Variants in TRPC3 observed in about 807,000 individuals in gnomAD.
The protein encoded by TRPC3 is short transient receptor potential channel 3.
A neutral mutation model predicts 90.9 loss-of-function variants in TRPC3; 54 were observed. The observed-to-expected ratio is 0.59, with a 90% CI of 0.48 to 0.75. The LOEUF is 0.75. Ranked by LOEUF, TRPC3 falls within the 30% of genes least tolerant of loss-of-function variation. The pLI is 0.00. For missense variants in TRPC3, 918 were observed against 1,194.5 expected (o/e 0.77, Z 3.41); for synonymous variants, 424 against 450.9 (o/e 0.94, Z 0.75).
chr4:121,881,104 CT>C (rs1191317906), intron 11 of TRPC3, among the ~76,000 whole-genome samples: 1 of 152,128 alleles, frequency 6.6e-6, no homozygotes, highest in African/African-American at 2.4e-5. Context: ...CCTACTTCAC[CT>C]TCTACTATCC....
At chr4:121,950,527 A>C (rs1383825441) in intron 1 of TRPC3, 1 of 152,340 alleles carries the variant, frequency 6.6e-6, no homozygotes, top group Non-Finnish European at 1.5e-5. Flanking sequence ...GAAAAAATAC[A>C]GAGCATCTCA....
At chr4:121,885,070 TA>T (rs1383797789) in intron 10 of TRPC3, among the ~76,000 whole-genome samples, 2 of 152,136 alleles carry the variant, frequency 1.3e-5, no homozygotes, top group African/African-American at 4.8e-5. Context: ...AATGACTATT[TA>T]AAAAGTAGTG....
chr4:121,875,495 T>C lies in TRPC3; in HGVS notation c.*4241A>G, dbSNP rs1366367932. ...TATTCACAATAAAGAAAATGTCAAG[T>C]TAAATTACCACTGTGTGTCCTCTTT... On this transcript the variant is annotated 3_prime_UTR_variant, in exon 12 of 12. Coordinates refer to ENST00000379645, the MANE Select transcript of TRPC3 (RefSeq NM_001130698.2). 6.6e-6 allele frequency among the ~76,000 whole-genome samples: 1 copy of C among 152,190 alleles called. No homozygotes were observed. The highest frequency in any genetic ancestry group is 6.5e-5 in the Admixed American group (1 of 15,286).
rs1189074814 is a variant in TRPC3 at position 121,951,750 on chromosome 4, T to TTCCCGCGGCGCCCCTTCACCACC, written c.-93_-71dup. 3 of 1,215,902 alleles carry TTCCCGCGGCGCCCCTTCACCACC rather than the reference T, an allele frequency of 2.5e-6. No individual in the cohort carries two copies. The African/African-American group carries it at 4.8e-5, about 19-fold the overall frequency. 75.3% of individuals were successfully genotyped at this position (1,215,902 alleles called of 1,614,324 possible). A position where few individuals can be genotyped will look rare whatever the true frequency, so the allele number is the denominator to read the frequency against. On this transcript the variant is annotated 5_prime_UTR_variant, in exon 1 of 12. It introduces an in-frame stop codon into an upstream open reading frame of the 5' UTR. Transcript: ENST00000379645. The surrounding 1 kb of genome is among the most constrained non-coding windows in gnomAD (Gnocchi z 4.4). Reference sequence around the variant, plus strand: ...CCTCCGCCTTCGCGGCAGTGCAGTCTTCCCGCGGCGCCCCTTCACCACCTC... The same window carrying TTCCCGCGGCGCCCCTTCACCACC: ...CCTCCGCCTTCGCGGCAGTGCAGTCTTCCCGCGGCGCCCCTTCACCACCTCCCGCGGCGCCCCTTCACCACCTC...
chr4:121,951,949 G>GC lies in TRPC3; in HGVS notation c.-270dup, dbSNP rs1730789831. On this transcript the variant is annotated 5_prime_UTR_variant, in exon 1 of 12. An upstream open reading frame in the 5' UTR gains an earlier in-frame stop. Transcript: ENST00000379645. This position sits in a 1 kb window ranked among gnomAD's most constrained non-coding sequence, Gnocchi z 4.4. ...CTGCGACGAGGAAGCCCGGGGCCGA[G>GC]CGGGGCTCTGGTGCTGGGAGAGGCT... Among the ~76,000 whole-genome samples, 1 of 152,122 alleles carries GC rather than the reference G, an allele frequency of 6.6e-6. No homozygotes were observed. The highest frequency in any genetic ancestry group is 2.4e-5 in the African/African-American group (1 of 41,440).
chr4:121,895,915 G>C (rs1210415649), intron 10 of TRPC3, among the ~76,000 whole-genome samples: 3 of 151,926 alleles, frequency 2.0e-5, no homozygotes, highest in Non-Finnish European at 4.4e-5. Flanking sequence ...GATGAACATA[G>C]ATGTAAAAAT....
At chr4:121,933,222 C>A in intron 1 of TRPC3, 180 bp from the exon 2 acceptor site, 1 of 1,274,358 alleles carries the variant, frequency 7.8e-7, no homozygotes, top group Non-Finnish European at 1.0e-6. Flanking sequence ...TGTGATCTAA[C>A]CCTGGCTGCT....
chr4:121,939,633 A>G (rs1342469875), intron 1 of TRPC3, among the ~76,000 whole-genome samples: 1 of 152,250 alleles, frequency 6.6e-6, no homozygotes, highest in Admixed American at 6.5e-5. Context: ...TGTGGTGTGG[A>G]CACTGCTATG....
rs1433803589 is a variant in TRPC3, at chr4:121,951,358, G to A, written c.215+108C>T. On this transcript the variant is annotated intron_variant, in intron 1 of 11. Coordinates refer to ENST00000379645, the MANE Select transcript of TRPC3 (RefSeq NM_001130698.2). The surrounding 1 kb of genome is among the most constrained non-coding windows in gnomAD (Gnocchi z 4.4). The stretch of plus-strand genomic sequence containing the variant: ...TCGAACTGCCTGGCCGTACCATGTG[G>A]GTCTCGGAGGTCCCGGGCTCGACGT... The A allele has an allele frequency of 1.5e-6, 1 of 663,554 alleles. No homozygotes were observed. Among genetic ancestry groups the A allele is most frequent in the Non-Finnish European group, 2.0e-6 (1 of 505,742 alleles). 41.1% of individuals were successfully genotyped at this position (663,554 alleles called of 1,614,324 possible).
chr4:121,878,480 T>A lies in TRPC3; in HGVS notation c.*1256A>T, dbSNP rs1223182148. On this transcript the variant is annotated 3_prime_UTR_variant, in exon 12 of 12. Transcript: ENST00000379645. Reference sequence around the variant, plus strand: ...ACTCAGGATGTTAAACATAACTCTATGAGAGATTTAAACCTAGCTGGTTAA... The same window carrying A: ...ACTCAGGATGTTAAACATAACTCTAAGAGAGATTTAAACCTAGCTGGTTAA... Among the ~76,000 whole-genome samples, 1 of 152,204 alleles carries A rather than the reference T, an allele frequency of 6.6e-6. No individual in the cohort carries two copies. Among genetic ancestry groups the A allele is most frequent in the African/African-American group, 2.4e-5 (1 of 41,448 alleles).
intron 1 of TRPC3, among the ~76,000 whole-genome samples, chr4:121,941,348 A>T (rs940247932): frequency 6.6e-6 from 1 of 152,218 alleles, no homozygotes; most frequent in African/African-American, 2.4e-5. Context: ...AATGAGAATG[A>T]CATCCAAAAT....
chr4:121,878,373 G>A lies in TRPC3; in HGVS notation c.*1363C>T, dbSNP rs377459974. 1.3e-5 allele frequency among the ~76,000 whole-genome samples: 2 copies of A among 152,248 alleles called. No homozygotes were observed. The highest frequency in any genetic ancestry group is 1.9e-4 in the East Asian group (1 of 5,186). ...ATGATTTTAAAGTAGCATGTATTTA[G>A]TTGGTTTTAAGGACCTCTGAAAATC... On this transcript the variant is annotated 3_prime_UTR_variant, in exon 12 of 12. Transcript: ENST00000379645.
rs192999229 is a variant in TRPC3, at chr4:121,950,627, C to T, written c.215+839G>A. On this transcript the variant is annotated intron_variant, in intron 1 of 11. Transcript: ENST00000379645. ...CAAGATTGGAAATTAAGAAAAGTTG[C>T]TCTTTCTCATGCATTAGCGCGCCGA... is the stretch of plus-strand genomic sequence containing the variant. The T allele has an allele frequency of 7.5e-4, 114 of 152,372 alleles. 1 individual carries two copies. The highest frequency in any genetic ancestry group is 2.6e-3 in the African/African-American group (109 of 41,584). The allele number at this position is 152,372 out of a possible 1,614,324, so 9.4% of individuals were successfully genotyped here.
intron 3 of TRPC3, among the ~76,000 whole-genome samples, chr4:121,919,521 G>A (rs1391565241): frequency 6.6e-6 from 1 of 152,106 alleles, no homozygotes; most frequent in African/African-American, 2.4e-5. Flanking sequence ...ATCTCTTGGT[G>A]CCTGGGGAAG....
At chr4:121,900,181 T>C (rs1199372588) in intron 9 of TRPC3, among the ~76,000 whole-genome samples, 1 of 152,254 alleles carries the variant, frequency 6.6e-6, no homozygotes, top group Non-Finnish European at 1.5e-5. Context: ...CTTGGCCTTA[T>C]GCTAAGCCAG....
Position 121,932,170 on chromosome 4 carries a change from G to C in TRPC3, c.987+101C>G. The C allele has an allele frequency of 6.6e-7, 1 of 1,523,260 alleles. No individual in the cohort carries two copies. The highest frequency in any genetic ancestry group is 2.0e-5 in the Admixed American group (1 of 50,172). 94.4% of individuals were successfully genotyped at this position (1,523,260 alleles called of 1,614,324 possible). The stretch of plus-strand genomic sequence containing the variant: ...GTCCCTCGTGATTTCACATTCACTG[G>C]GCAAAACCGAATGTGGAGCGAACGG... On this transcript the variant is annotated intron_variant, in intron 2 of 11. Coordinates refer to ENST00000379645, the MANE Select transcript of TRPC3 (RefSeq NM_001130698.2). This position sits in a 1 kb window ranked among gnomAD's most constrained non-coding sequence, Gnocchi z 7.7.
chr4:121,909,682 C>T (rs1275936339), intron 6 of TRPC3, among the ~76,000 whole-genome samples: 2 of 152,114 alleles, frequency 1.3e-5, no homozygotes, highest in African/African-American at 2.4e-5. Flanking sequence ...TACATTCTCA[C>T]GGTCACTTTA....
chr4:121,946,307 GA>G (rs1261310741), intron 1 of TRPC3, among the ~76,000 whole-genome samples: 4 of 151,906 alleles, frequency 2.6e-5, no homozygotes, highest in East Asian at 3.9e-4. Context: ...GAAGCGGGGG[GA>G]AAAAAAGACC....
chr4:121,889,294 G>T (rs1295176898), intron 10 of TRPC3, among the ~76,000 whole-genome samples: 1 of 152,016 alleles, frequency 6.6e-6, no homozygotes, highest in Non-Finnish European at 1.5e-5. Flanking sequence ...AGGCAAATGG[G>T]ATTACATCAA....
Sources: gnomAD v4.1 joint callset for allele counts (sites outside exome capture counted in the v4.1 genomes callset) on GRCh38, gnomAD v4.1.1 for gene constraint, Gnocchi (gnomAD v3.1) non-coding constraint, MANE v1.5 for transcripts, NCBI Gene and HGNC (gene_info 2026-07-23, HGNC 2026-07-21) for gene names.